The following UNC13C variants were observed in gnomAD, a reference collection of about 807,000 sequenced individuals.
The protein encoded by UNC13C is unc-13 homolog C.
Under a neutral mutation model 245.4 loss-of-function variants are expected in UNC13C, and 174 were observed. That is an observed-to-expected ratio of 0.71 (90% CI 0.63 to 0.80). The LOEUF is 0.80. UNC13C is among the 30% of genes least tolerant of loss of function. UNC13C has a pLI of 0.00. For missense variants in UNC13C, 2,829 were observed against 2,602.9 expected (o/e 1.09, Z -1.89); for synonymous variants, 992 against 895.1 (o/e 1.11, Z -1.93).
chr15:54,203,484 G>GTGTGTGTGTGTATA (rs796426371), intron 4 of UNC13C, among the ~76,000 whole-genome samples: 4 of 139,748 alleles, frequency 2.9e-5, no homozygotes, highest in African/African-American at 1.0e-4. Context: ...ATGTGTGTGT[G>GTGTGTGTGTGTATA]TATATATATA....
chr15:54,503,434 C>CT (rs35100602), intron 22 of UNC13C, among the ~76,000 whole-genome samples: 62 of 136,590 alleles, frequency 4.5e-4, no homozygotes, highest in Non-Finnish European at 5.4e-4. Flanking sequence ...TCAGCCTTTC[C>CT]TTTTTTTTTT....
At chr15:54,474,720 G>T (rs1222039423) in intron 19 of UNC13C, among the ~76,000 whole-genome samples, 2 of 151,792 alleles carry the variant, frequency 1.3e-5, no homozygotes, top group Non-Finnish European at 2.9e-5. Flanking sequence ...CATTTGCACT[G>T]GTATAAGGAA....
At chr15:54,601,131 AC>A (rs540727338) in intron 30 of UNC13C, among the ~76,000 whole-genome samples, 248 of 152,268 alleles carry the variant, frequency 1.6e-3, no homozygotes, top group African/African-American at 5.8e-3. Context: ...GCTAGAGTAA[AC>A]CCCTACATTC....
At chr15:54,602,129 C>G (rs1017396521) in intron 30 of UNC13C, among the ~76,000 whole-genome samples, 1 of 152,144 alleles carries the variant, frequency 6.6e-6, no homozygotes, top group Non-Finnish European at 1.5e-5. Flanking sequence ...GGAATGAGCT[C>G]CTGAAGGGCC....
intron 13 of UNC13C, among the ~76,000 whole-genome samples, chr15:54,316,503 TCTAA>T (rs1244748372): frequency 6.6e-6 from 1 of 151,944 alleles, no homozygotes; most frequent in Non-Finnish European, 1.5e-5. Flanking sequence ...ATATACACAT[TCTAA>T]CTGAGTGTCT....
intron 26 of UNC13C, among the ~76,000 whole-genome samples, chr15:54,537,831 A>G (rs1596534324): frequency 6.6e-6 from 1 of 152,062 alleles, no homozygotes; most frequent in East Asian, 1.9e-4. Flanking sequence ...GTATACAAAA[A>G]TCAACTCAAG....
At chr15:53,856,480 T>C in the UNC13C span, among the ~76,000 whole-genome samples, 4 of 152,130 alleles carry the variant, frequency 2.6e-5, no homozygotes, top group African/African-American at 9.7e-5. Flanking sequence ...CCCCAGAGAT[T>C]CTAGAATGTC....
chr15:54,094,336 T>A (rs1899736861), intron 2 of UNC13C, among the ~76,000 whole-genome samples: 2 of 152,184 alleles, frequency 1.3e-5, no homozygotes, highest in Admixed American at 1.3e-4. Context: ...TTACCTCTAA[T>A]AAATCTCTGT....
chr15:53,882,506 G>T, the UNC13C span, among the ~76,000 whole-genome samples: 1 of 152,132 alleles, frequency 6.6e-6, no homozygotes, highest in African/African-American at 2.4e-5. Context: ...CAGGGAGTCA[G>T]AATTACTCAC....
chr15:54,197,758 C>T (rs572251212), intron 4 of UNC13C, among the ~76,000 whole-genome samples: 3 of 152,106 alleles, frequency 2.0e-5, no homozygotes, highest in African/African-American at 7.2e-5. Context: ...TATGTGAATA[C>T]TCACATCATG....
chr15:54,234,906 A>C, intron 4 of UNC13C, 124 bp from the exon 5 acceptor site: 1 of 777,602 alleles, frequency 1.3e-6, no homozygotes, highest in Non-Finnish European at 2.1e-6. Context: ...AGCTTTGTGA[A>C]TCGTTTGAAA....
At chr15:53,893,981 G>C in the UNC13C span, among the ~76,000 whole-genome samples, 94 of 152,236 alleles carry the variant, frequency 6.2e-4, no homozygotes, top group Non-Finnish European at 1.9e-4. Context: ...GCAGGCACTG[G>C]AGGGAATCTG....
rs147000945 is a variant in UNC13C at position 54,116,522 on chromosome 15, T to C, written c.2984-26496T>C. On this transcript the variant is annotated intron_variant, in intron 2 of 32. Transcript: ENST00000260323. ...TAGCTCTCATAGATGAGTGAGAACA[T>C]GCAATATTTGTCTTTCTGTGCTTAG... is the stretch of plus-strand genomic sequence containing the variant. 4.6e-3 allele frequency among the ~76,000 whole-genome samples: 695 copies of C among 152,312 alleles called. 10 individuals are homozygous for C. The highest frequency in any genetic ancestry group is 0.016 in the African/African-American group (662 of 41,576).
chr15:53,911,891 C>G, the UNC13C span: 1 of 152,230 alleles, frequency 6.6e-6, no homozygotes, highest in African/African-American at 2.4e-5. Context: ...ATGCTTTGGC[C>G]CTCTAGCTGC....
At chr15:54,579,932 T>G (rs1007512943) in intron 30 of UNC13C, among the ~76,000 whole-genome samples, 8 of 152,170 alleles carry the variant, frequency 5.3e-5, no homozygotes, top group African/African-American at 1.9e-4. Flanking sequence ...TACCTTTTTG[T>G]TAGGGGTAGC....
chr15:54,205,109 G>T (rs888103486), intron 4 of UNC13C, among the ~76,000 whole-genome samples: 10 of 151,964 alleles, frequency 6.6e-5, no homozygotes, highest in African/African-American at 2.4e-4. Context: ...TAGATTTTAT[G>T]ACTCCCTAAC....
At position 54,532,924 on chromosome 15, in the gene UNC13C, GT is replaced by G. The variant is rs1010637203; in HGVS notation, c.5556del (p.Ile1853Ter). The G allele has an allele frequency of 4.5e-6, 7 of 1,538,958 alleles. No homozygotes were observed. The highest frequency in any genetic ancestry group is 6.2e-6 in the Non-Finnish European group (7 of 1,134,616). ...TATATTCTTTATTTTTAGTTTCCAG[GT>G]TATAATTGAAGAGTGTATAAAACAG... ...LSVTYGESFQVIIEECIKQMS... is the reference protein window; with the variant it reads ...LSVTYGESFQXIIEECIKQMS... On this transcript the variant is annotated frameshift_variant, in exon 26 of 33. Transcript: ENST00000260323. LOFTEE classifies it high-confidence loss of function.
At chr15:54,494,169 A>T (rs1420102883) in intron 19 of UNC13C, among the ~76,000 whole-genome samples, 1 of 152,208 alleles carries the variant, frequency 6.6e-6, no homozygotes, top group Non-Finnish European at 1.5e-5. Context: ...ACAACATGGC[A>T]CATGTATACA....
intron 4 of UNC13C, among the ~76,000 whole-genome samples, chr15:54,162,198 A>G (rs1014037418): frequency 1.3e-5 from 2 of 152,168 alleles, no homozygotes; most frequent in Non-Finnish European, 2.9e-5. Context: ...ATGATCTATA[A>G]CTGCAAAAGG....
Sources: gnomAD v4.1 joint callset for allele counts (sites outside exome capture counted in the v4.1 genomes callset) on GRCh38, gnomAD v4.1.1 for gene constraint, MANE v1.5 for transcripts, NCBI Gene and HGNC (gene_info 2026-07-23, HGNC 2026-07-21) for gene names.